The following PDP1 variants were observed in gnomAD, a reference collection of about 807,000 sequenced individuals.
The protein encoded by PDP1 is pyruvate dehyrogenase phosphatase catalytic subunit 1.
In PDP1, 14 loss-of-function variants were observed where a neutral mutation model predicts 37.1. The observed-to-expected ratio is 0.38, with a 90% CI of 0.25 to 0.59. The LOEUF (loss-of-function observed/expected upper bound fraction) is 0.59, where lower values mean the gene tolerates loss of function less well. Ranked by LOEUF, PDP1 falls within the 20% of genes least tolerant of loss-of-function variation. The pLI is 0.67. For synonymous variants in PDP1, 251 were observed against 243.3 expected (o/e 1.03, Z -0.29); for missense variants, 544 against 655.3 (o/e 0.83, Z 1.85).
intron 1 of PDP1, chr8:93,919,252 G>C: frequency 1.3e-5 from 5 of 396,942 alleles, no homozygotes; most frequent in Non-Finnish European, 1.7e-5. Context: ...ACCAAGCCGG[G>C]TGCAGTGGCT....
intron 1 of PDP1, among the ~76,000 whole-genome samples, chr8:93,920,318 T>C (rs1001751458): frequency 6.6e-6 from 1 of 152,216 alleles, no homozygotes; most frequent in African/African-American, 2.4e-5. Context: ...GAAAATAATA[T>C]ATGGCTGACA....
Position 93,922,417 on chromosome 8 carries a change from A to T in PDP1, c.358A>T (p.Asn120Tyr). Residue 120 changes from asparagine to tyrosine, a missense_variant, in exon 2 of 2, where the codon AAT (asparagine) becomes TAT (tyrosine). Around this residue, in one of 5 missense-constraint regions of PDP1, gnomAD observed 342 missense variants for 414.0 expected, o/e 0.83. Coordinates refer to ENST00000297598, the MANE Select transcript of PDP1 (RefSeq NM_018444.4). The surrounding 1 kb of genome is among the most constrained non-coding windows in gnomAD (Gnocchi z 4.0). Reference protein sequence around the residue: ...LGFDSNQLPANAPIEDRRSAA... With the variant: ...LGFDSNQLPAYAPIEDRRSAA... ...ATTTGACAGCAATCAGCTGCCTGCAAATGCACCCATTGAGGACCGGAGAAG... is the reference window on the plus strand; with the variant it reads ...ATTTGACAGCAATCAGCTGCCTGCATATGCACCCATTGAGGACCGGAGAAG... The T allele has an allele frequency of 6.2e-7, 1 of 1,614,118 alleles. No individual in the cohort carries two copies. The highest frequency in any genetic ancestry group is 8.5e-7 in the Non-Finnish European group (1 of 1,179,950).
chr8:93,919,506 C>G (rs1279999160), intron 1 of PDP1, among the ~76,000 whole-genome samples: 1 of 114,746 alleles, frequency 8.7e-6, no homozygotes, highest in East Asian at 3.3e-4. Context: ...TCCCCCCCCC[C>G]GGCAAAAAAA....
Position 93,921,066 on chromosome 8 carries a change from T to G in PDP1, c.-44-950T>G, listed in dbSNP as rs1312074454. The G allele has an allele frequency of 3.1e-6, 3 of 965,308 alleles. No individual in the cohort carries two copies. In the East Asian group the frequency reaches 3.8e-4, roughly 123 times the overall value. The allele number at this position is 965,308 out of a possible 1,614,324, so 59.8% of individuals were successfully genotyped here. A position where few individuals can be genotyped will look rare whatever the true frequency, so the allele number is the denominator to read the frequency against. ...CAAAGCTTTAGAGCTACTGCAATAC[T>G]TAAACTTTTTTTTTTTTTTTAATCA... is the stretch of plus-strand genomic sequence containing the variant. On this transcript the variant is annotated intron_variant, in intron 1 of 1. Transcript: ENST00000297598.
chr8:93,922,022 C>A lies in PDP1; in HGVS notation c.-38C>A. 6.3e-7 allele frequency: 1 copy of A among 1,584,124 alleles called. No homozygotes were observed. The highest frequency in any genetic ancestry group is 1.2e-5 in the South Asian group (1 of 86,852). On this transcript the variant is annotated 5_prime_UTR_variant, in exon 2 of 2. Transcript: ENST00000297598. This position sits in a 1 kb window ranked among gnomAD's most constrained non-coding sequence, Gnocchi z 4.0. ...TGTCTAATTTGCTGTCTAGGAATCCCAGTCAGAAGTTCCAGCCTGCCACTG... is the reference window on the plus strand; with the variant it reads ...TGTCTAATTTGCTGTCTAGGAATCCAAGTCAGAAGTTCCAGCCTGCCACTG...
Position 93,923,863 on chromosome 8 carries a change from C to G in PDP1, c.*190C>G. The G allele has an allele frequency of 1.7e-6, 1 of 589,290 alleles. No homozygotes were observed. The highest frequency in any genetic ancestry group is 3.1e-6 in the Non-Finnish European group (1 of 318,690). The allele number at this position is 589,290 out of a possible 1,614,324, so 36.5% of individuals were successfully genotyped here. A position where few individuals can be genotyped will look rare whatever the true frequency, so the allele number is the denominator to read the frequency against. On this transcript the variant is annotated 3_prime_UTR_variant, in exon 2 of 2. Transcript: ENST00000297598. The surrounding 1 kb of genome is among the most constrained non-coding windows in gnomAD (Gnocchi z 4.3). Reference sequence around the variant, plus strand: ...CAGGGTCAGGAGAGTCTGGTCCTGCCTAGCTCAGATTTCATGGCACCTGCA... The same window carrying G: ...CAGGGTCAGGAGAGTCTGGTCCTGCGTAGCTCAGATTTCATGGCACCTGCA...
At chr8:93,919,144 G>C (rs1297986201) in intron 1 of PDP1, 1 of 981,016 alleles carries the variant, frequency 1.0e-6, no homozygotes. Context: ...ATGTTTGAAC[G>C]TAAGTATTGT....
At position 93,922,160 on chromosome 8, in the gene PDP1, G is replaced by A; in HGVS notation, c.101G>A (p.Cys34Tyr). ...ACYCHHKHLC[C>Y]SSSYIPQSRL... ...TACTGCCACCACAAACATCTCTGTTGTTCCTCATCGTACATTCCTCAGAGT... is the reference window on the plus strand; with the variant it reads ...TACTGCCACCACAAACATCTCTGTTATTCCTCATCGTACATTCCTCAGAGT... The change falls in exon 2 of 2, where the codon TGT (cysteine) becomes TAT (tyrosine). Residue 34 changes from cysteine (C) to tyrosine (Y), a missense_variant. Physicochemically the swap from Cys to Tyr is radical, Grantham distance 194. Coordinates refer to ENST00000297598, the MANE Select transcript of PDP1 (RefSeq NM_018444.4). This position sits in a 1 kb window ranked among gnomAD's most constrained non-coding sequence, Gnocchi z 4.0. The A allele has an allele frequency of 6.2e-7, 1 of 1,614,154 alleles. No individual in the cohort carries two copies. Among genetic ancestry groups the A allele is most frequent in the South Asian group, 1.1e-5 (1 of 91,088 alleles).
chr8:93,923,274 A>T lies in PDP1; in HGVS notation c.1215A>T (p.Arg405=). 7 of 1,614,178 alleles carry T rather than the reference A, an allele frequency of 4.3e-6. No homozygotes were observed. The highest frequency in any genetic ancestry group is 5.9e-6 in the Non-Finnish European group (7 of 1,180,010). Residue 405 remains arginine, a synonymous_variant, in exon 2 of 2, where the codon CGA becomes CGT. Coordinates refer to ENST00000297598, the MANE Select transcript of PDP1 (RefSeq NM_018444.4). This position sits in a 1 kb window ranked among gnomAD's most constrained non-coding sequence, Gnocchi z 4.3. ...CTGAGCCAGAGGTAACTTACCACCGATTAAGGCCACAGGATAAGTTTCTGG... is the reference window on the plus strand; with the variant it reads ...CTGAGCCAGAGGTAACTTACCACCGTTTAAGGCCACAGGATAAGTTTCTGG... ...LTAEPEVTYH[R]LRPQDKFLVL... is the part of the protein sequence containing the mutation.
chr8:93,920,738 TTAA>T, intron 1 of PDP1: 2 of 891,466 alleles, frequency 2.2e-6, no homozygotes, highest in Non-Finnish European at 2.7e-6. Context: ...TTTTTTTTTT[TTAA>T]TGTGAGAGAA....
intron 1 of PDP1, 200 bp from the exon 2 acceptor site, chr8:93,921,816 C>G (rs1343715950): frequency 2.0e-6 from 1 of 510,550 alleles, no homozygotes; most frequent in Non-Finnish European, 3.4e-6. Context: ...GTCGTGGTTC[C>G]ACGAATGATT....
At chr8:93,917,138 A>G in intron 1 of PDP1, 59 bp downstream of exon 1, 1 of 444,468 alleles carries the variant, frequency 2.2e-6, no homozygotes, top group Non-Finnish European at 4.4e-6. Flanking sequence ...CACCCGTCCA[A>G]AGTTGTGAGG....
At chr8:93,917,640 G>T in intron 1 of PDP1, 2 of 611,088 alleles carry the variant, frequency 3.3e-6, no homozygotes, top group Non-Finnish European at 5.6e-6. Context: ...CCGCTGCCTT[G>T]GGCTGTGGCT....
At chr8:93,917,717 T>A in intron 1 of PDP1, 1 of 1,165,836 alleles carries the variant, frequency 8.6e-7, no homozygotes, top group Non-Finnish European at 1.2e-6. Context: ...TTATCCCTCC[T>A]CCATCCTCTT....
Position 93,923,725 on chromosome 8 carries a change from A to G in PDP1, c.*52A>G. 7.1e-7 allele frequency: 1 copy of G among 1,406,186 alleles called. No individual in the cohort carries two copies. Among genetic ancestry groups the G allele is most frequent in the Non-Finnish European group, 1.0e-6 (1 of 991,936 alleles). 87.1% of individuals were successfully genotyped at this position (1,406,186 alleles called of 1,614,324 possible). On this transcript the variant is annotated 3_prime_UTR_variant, in exon 2 of 2. Coordinates refer to ENST00000297598, the MANE Select transcript of PDP1 (RefSeq NM_018444.4). This position sits in a 1 kb window ranked among gnomAD's most constrained non-coding sequence, Gnocchi z 4.3. ...CAAATGATATACATTTAAAGGGCAG[A>G]TTTTTTAAAAAGATACTACTATAAT...
chr8:93,921,900 C>A, intron 1 of PDP1, 116 bp from the exon 2 acceptor site: 1 of 695,280 alleles, frequency 1.4e-6, no homozygotes. Context: ...TACCTTCTAG[C>A]AAAGGCTTAA....
chr8:93,922,511 G>C lies in PDP1; in HGVS notation c.452G>C (p.Cys151Ser). Reference protein sequence around the residue: ...GVFDGHAGCACSQAVSERLFY... With the variant: ...GVFDGHAGCASSQAVSERLFY... ...TTTGATGGCCATGCAGGTTGTGCTT[G>C]TTCCCAGGCAGTCAGTGAAAGACTC... Residue 151 changes from cysteine (C) to serine (S), a missense_variant, in exon 2 of 2, where the codon TGT (cysteine) becomes TCT (serine). By Grantham distance (112) the Cys-to-Ser change is moderately radical. This residue lies in a region of PDP1 where 342 missense variants were observed against 414.0 expected (regional missense o/e 0.83). Transcript: ENST00000297598. The surrounding 1 kb of genome is among the most constrained non-coding windows in gnomAD (Gnocchi z 4.0). The C allele has an allele frequency of 6.2e-7, 1 of 1,613,990 alleles. No homozygotes were observed. The highest frequency in any genetic ancestry group is 8.5e-7 in the Non-Finnish European group (1 of 1,180,048).
At chr8:93,919,065 C>T in intron 1 of PDP1, 1 of 597,198 alleles carries the variant, frequency 1.7e-6, no homozygotes, top group Non-Finnish European at 2.1e-6. Context: ...CAATAAAATT[C>T]ACTCTCTCAT....
chr8:93,920,256 C>T (rs767865974), intron 1 of PDP1, among the ~76,000 whole-genome samples: 1 of 152,152 alleles, frequency 6.6e-6, no homozygotes, highest in Non-Finnish European at 1.5e-5. Flanking sequence ...CTTTGCTTCC[C>T]TCTACCCCAA....
Sources: allele counts gnomAD v4.1 joint callset (sites outside exome capture counted in the v4.1 genomes callset), GRCh38; gene constraint gnomAD v4.1.1; regional missense constraint gnomAD v4.1.1; non-coding constraint Gnocchi (gnomAD v3.1); transcripts MANE v1.5; gene names NCBI Gene and HGNC (gene_info 2026-07-23, HGNC 2026-07-21).